The following KLC1 variants were observed in gnomAD, a reference collection of about 807,000 sequenced individuals.
The protein encoded by KLC1 is kinesin 2 60/70kDa.
Under a neutral mutation model 84.2 loss-of-function variants are expected in KLC1, and 30 were observed. The ratio of observed to expected loss-of-function variants is 0.36; its 90% CI spans 0.27 to 0.48. The LOEUF (loss-of-function observed/expected upper bound fraction) is 0.48. Among genes scored for constraint, KLC1 ranks in the 20% least tolerant of loss-of-function variants. The probability of loss-of-function intolerance (pLI) is 0.99; values close to 1 mark genes in which losing one functional copy is unlikely to be tolerated. For missense variants in KLC1, 499 were observed against 805.4 expected (o/e 0.62, Z 4.60); for synonymous variants, 289 against 293.3 (o/e 0.99, Z 0.15).
rs1024426418 is a variant in KLC1 at position 103,693,921 on chromosome 14, G to A, written c.1848+1496G>A. 26 of 1,251,862 alleles carry A rather than the reference G, an allele frequency of 2.1e-5. No individual in the cohort carries two copies. The highest frequency in any genetic ancestry group is 5.0e-5 in the South Asian group (2 of 39,842). The allele number at this position is 1,251,862 out of a possible 1,614,324, so 77.5% of individuals were successfully genotyped here. ...ACGCTGGGGATTGGCTCCTGCTCAC[G>A]GATGCTGTTGCATTTCCTGCCTGCC... On this transcript the variant is annotated intron_variant, in intron 15 of 16. Coordinates refer to ENST00000334553, the MANE Select transcript of KLC1 (RefSeq NM_001394837.1). This position sits in a 1 kb window ranked among gnomAD's most constrained non-coding sequence, Gnocchi z 5.1.
chr14:103,646,701 C>T (rs1014526536), intron 1 of KLC1, among the ~76,000 whole-genome samples: 1 of 152,042 alleles, frequency 6.6e-6, no homozygotes, highest in African/African-American at 2.4e-5. Flanking sequence ...TCTTGAACCC[C>T]TGGGCTCAAA....
intron 2 of KLC1, 67 bp from the exon 3 acceptor site, chr14:103,657,479 C>T (rs2078925138): frequency 1.4e-5 from 18 of 1,284,164 alleles, no homozygotes; most frequent in South Asian, 1.3e-4. Flanking sequence ...ACAGAATGTT[C>T]GCACGGGTGG....
intron 15 of KLC1, chr14:103,695,309 A>G (rs1011935329): frequency 4.2e-6 from 3 of 707,042 alleles, no homozygotes; most frequent in Non-Finnish European, 5.1e-6. Flanking sequence ...AAAAAAAACC[A>G]TGTGTATATA....
At chr14:103,658,656 CTT>C (rs58151718) in intron 3 of KLC1, among the ~76,000 whole-genome samples, 5 of 107,944 alleles carry the variant, frequency 4.6e-5, no homozygotes, top group Admixed American at 1.1e-4. Flanking sequence ...ATTCAGTTAA[CTT>C]TTTTTTTTTT....
At chr14:103,639,784 G>T (rs1243842474) in intron 1 of KLC1, among the ~76,000 whole-genome samples, 3 of 151,352 alleles carry the variant, frequency 2.0e-5, no homozygotes, top group East Asian at 1.9e-4. Flanking sequence ...TTGAGACAGG[G>T]TCTCAACTCT....
intron 13 of KLC1, 157 bp downstream of exon 13, chr14:103,679,702 T>A (rs1366276130): frequency 1.7e-6 from 1 of 582,288 alleles, no homozygotes; most frequent in Non-Finnish European, 3.1e-6. Flanking sequence ...AATACTGAAG[T>A]CTGTTATTTG....
At chr14:103,671,314 C>A (rs1404846173) in intron 7 of KLC1, among the ~76,000 whole-genome samples, 1 of 151,858 alleles carries the variant, frequency 6.6e-6, no homozygotes, top group Non-Finnish European at 1.5e-5. Flanking sequence ...GTATGACAAT[C>A]TCTTTAGATG....
chr14:103,688,119 T>C (rs1208218649), intron 14 of KLC1: 1 of 152,246 alleles, frequency 6.6e-6, no homozygotes, highest in Non-Finnish European at 1.5e-5. Flanking sequence ...AATAAAGTTA[T>C]GTGCCTGATC....
chr14:103,697,294 C>A, intron 15 of KLC1: 1 of 241,668 alleles, frequency 4.1e-6, no homozygotes, highest in Non-Finnish European at 6.7e-6. Context: ...CGGATTGTCC[C>A]ACCCTGGAAA....
At chr14:103,635,518 C>G (rs549750790) in intron 1 of KLC1, among the ~76,000 whole-genome samples, 1 of 152,226 alleles carries the variant, frequency 6.6e-6, no homozygotes, top group East Asian at 1.9e-4. Flanking sequence ...CTTTGGGAGG[C>G]TGAGGAGGGC....
chr14:103,666,258 T>C (rs955355940), intron 5 of KLC1, among the ~76,000 whole-genome samples: 30 of 152,246 alleles, frequency 2.0e-4, no homozygotes, highest in Middle Eastern at 6.8e-3. Flanking sequence ...AGAGACGGAG[T>C]TTCACCATGT....
chr14:103,636,764 C>T (rs1372770902), intron 1 of KLC1, among the ~76,000 whole-genome samples: 1 of 151,888 alleles, frequency 6.6e-6, no homozygotes, highest in Non-Finnish European at 1.5e-5. Flanking sequence ...CCTCTGTTGC[C>T]CAGGCTTGAG....
In KLC1 at chr14:103,666,680, C is replaced by T. The variant is rs145178055; in HGVS notation, c.798-2831C>T. ...TGGTGTGATCTCAGCTCACTGCAAC[C>T]TCTGCCTCCCGGGTTGAGGCGATTC... On this transcript the variant is annotated intron_variant, in intron 5 of 16. Transcript: ENST00000334553. Among the ~76,000 whole-genome samples, 333 of 150,578 alleles carry T rather than the reference C, an allele frequency of 2.2e-3. 1 individual carries two copies. The highest frequency in any genetic ancestry group is 7.3e-3 in the African/African-American group (298 of 40,986).
chr14:103,631,686 C>T (rs2076700461), intron 1 of KLC1, among the ~76,000 whole-genome samples: 1 of 152,116 alleles, frequency 6.6e-6, no homozygotes, highest in Admixed American at 6.6e-5. Context: ...CAACCTCCGC[C>T]TCCCAGGTTC....
intron 1 of KLC1, among the ~76,000 whole-genome samples, chr14:103,630,927 T>C (rs2076624384): frequency 6.6e-6 from 1 of 152,142 alleles, no homozygotes; most frequent in Non-Finnish European, 1.5e-5. Context: ...CTAACCCTAC[T>C]GCAGCCTTGG....
At chr14:103,643,638 C>T (rs1017790233) in intron 1 of KLC1, among the ~76,000 whole-genome samples, 1 of 152,164 alleles carries the variant, frequency 6.6e-6, no homozygotes, top group African/African-American at 2.4e-5. Flanking sequence ...TTAAGAAATA[C>T]ATTGGTTGAC....
chr14:103,650,672 G>A (rs74809954), intron 1 of KLC1, among the ~76,000 whole-genome samples: 2 of 149,766 alleles, frequency 1.3e-5, no homozygotes, highest in Admixed American at 1.4e-4. Flanking sequence ...TCTGCCTACC[G>A]GGTTCAAGCG....
chr14:103,669,714 C>A, intron 6 of KLC1, 116 bp downstream of exon 6: 1 of 726,992 alleles, frequency 1.4e-6, no homozygotes, highest in East Asian at 2.7e-5. Context: ...TGCCTTTTCC[C>A]TAGATGGTGC....
intron 13 of KLC1, chr14:103,685,552 A>T: frequency 1.6e-6 from 2 of 1,288,774 alleles, no homozygotes; most frequent in Non-Finnish European, 2.0e-6. Flanking sequence ...ACCTAGAAAT[A>T]CTGTAAGCCA....
Sources: allele counts gnomAD v4.1 joint callset (sites outside exome capture counted in the v4.1 genomes callset), GRCh38; gene constraint gnomAD v4.1.1; non-coding constraint Gnocchi (gnomAD v3.1); transcripts MANE v1.5; gene names NCBI Gene and HGNC (gene_info 2026-07-23, HGNC 2026-07-21).